The following C4orf17 variants were observed in gnomAD, a reference collection of about 807,000 sequenced individuals.
C4orf17 encodes uncharacterized protein C4orf17.
A neutral mutation model predicts 32.0 loss-of-function variants in C4orf17; 25 were observed. That is an observed-to-expected ratio of 0.78 (90% confidence interval 0.57 to 1.09). The LOEUF (loss-of-function observed/expected upper bound fraction) is 1.09. Ranked by LOEUF, C4orf17 falls within the 50% of genes least tolerant of loss-of-function variation. The probability of loss-of-function intolerance (pLI) is 0.00; values close to 1 mark genes in which losing one functional copy is unlikely to be tolerated. For synonymous variants in C4orf17, 149 were observed against 145.8 expected (o/e 1.02, Z -0.16); for missense variants, 420 against 420.0 (o/e 1.00, Z 0.00).
chr4:99,532,611 G>A (rs4423880), intron 5 of C4orf17, among the ~76,000 whole-genome samples: 40,017 of 152,078 alleles, frequency 0.26, 5,436 homozygotes, highest in South Asian at 0.35. Flanking sequence ...CACTATTTGC[G>A]TGATGGAGTC....
intron 1 of C4orf17, 29 bp from the exon 2 acceptor site, chr4:99,512,960 T>C: frequency 1.1e-6 from 1 of 947,182 alleles, no homozygotes; most frequent in Non-Finnish European, 1.6e-6. Flanking sequence ...GAAACTCTTG[T>C]CAGAATGTTT....
intron 2 of C4orf17, among the ~76,000 whole-genome samples, chr4:99,517,171 T>C (rs755829999): frequency 6.6e-6 from 1 of 152,190 alleles, no homozygotes; most frequent in Non-Finnish European, 1.5e-5. Context: ...CTGACTTCTT[T>C]CCCAGCAGAT....
chr4:99,530,191 A>C (rs561317659), intron 5 of C4orf17, among the ~76,000 whole-genome samples: 94 of 152,220 alleles, frequency 6.2e-4, no homozygotes, highest in African/African-American at 2.2e-3. Flanking sequence ...ACGTAATGAA[A>C]AGCTTGGTGT....
intron 5 of C4orf17, among the ~76,000 whole-genome samples, chr4:99,532,953 T>A (rs993209128): frequency 6.6e-6 from 1 of 152,200 alleles, no homozygotes; most frequent in African/African-American, 2.4e-5. Flanking sequence ...CCCAGTCAAG[T>A]GACCTTCGTA....
At chr4:99,520,397 C>T (rs1723266813) in intron 2 of C4orf17, among the ~76,000 whole-genome samples, 1 of 152,122 alleles carries the variant, frequency 6.6e-6, no homozygotes, top group Admixed American at 6.6e-5. Flanking sequence ...AACCAGCCAA[C>T]CCACATTTAA....
At chr4:99,539,065 C>A in intron 6 of C4orf17, 98 bp from the exon 7 acceptor site, 4 of 1,076,526 alleles carry the variant, frequency 3.7e-6, no homozygotes, top group Non-Finnish European at 5.5e-6. Flanking sequence ...AATAGATGAC[C>A]AGTCTTTCAT....
chr4:99,536,776 A>G (rs182531248), intron 5 of C4orf17, among the ~76,000 whole-genome samples: 1 of 152,330 alleles, frequency 6.6e-6, no homozygotes, highest in African/African-American at 2.4e-5. Context: ...AAATTCACCA[A>G]AAGTATGTTC....
At chr4:99,518,562 G>T (rs1156328326) in intron 2 of C4orf17, among the ~76,000 whole-genome samples, 2 of 125,506 alleles carry the variant, frequency 1.6e-5, no homozygotes, top group African/African-American at 6.7e-5. Context: ...GAGAGAGAGA[G>T]AGAGAGAGAG....
intron 8 of C4orf17, chr4:99,541,501 T>C (rs1245376893): frequency 6.3e-6 from 1 of 158,070 alleles, no homozygotes; most frequent in African/African-American, 2.4e-5. Context: ...ATATTTAGCA[T>C]CTCCTTACAT....
chr4:99,516,132 C>T (rs1419605592), intron 2 of C4orf17, among the ~76,000 whole-genome samples: 1 of 152,216 alleles, frequency 6.6e-6, no homozygotes, highest in Non-Finnish European at 1.5e-5. Flanking sequence ...GAAGTCATTT[C>T]ATTCAGCAGA....
At chr4:99,531,971 T>A (rs1217306836) in intron 5 of C4orf17, among the ~76,000 whole-genome samples, 1 of 152,182 alleles carries the variant, frequency 6.6e-6, no homozygotes, top group Admixed American at 6.5e-5. Flanking sequence ...AGTTTCATGA[T>A]TATTACTTTA....
At chr4:99,534,242 T>C (rs1054496642) in intron 5 of C4orf17, among the ~76,000 whole-genome samples, 1 of 152,202 alleles carries the variant, frequency 6.6e-6, no homozygotes, top group African/African-American at 2.4e-5. Flanking sequence ...TGGTGTTTGG[T>C]TTTCTGTTCC....
intron 2 of C4orf17, among the ~76,000 whole-genome samples, chr4:99,520,296 C>A (rs1323916222): frequency 6.6e-6 from 1 of 151,966 alleles, no homozygotes; most frequent in South Asian, 2.1e-4. Context: ...GGTGTTTCAC[C>A]GTGTTAACTA....
rs375657510 is a variant in C4orf17 at position 99,520,110 on chromosome 4, G to A, written c.128-2390G>A. 4.9e-3 allele frequency among the ~76,000 whole-genome samples: 637 copies of A among 130,954 alleles called. 6 individuals carry two copies. Among genetic ancestry groups the A allele is most frequent in the African/African-American group, 0.016 (603 of 37,416 alleles). 85.9% of individuals were successfully genotyped at this position (130,954 alleles called of 152,430 possible). A position where few individuals can be genotyped will look rare whatever the true frequency, so the allele number is the denominator to read the frequency against. On this transcript the variant is annotated intron_variant, in intron 2 of 8. Coordinates refer to ENST00000326581, the MANE Select transcript of C4orf17 (RefSeq NM_032149.3). Reference sequence around the variant, plus strand: ...TTTAATTTTTTTTTTTTTTTTTTGAGACGGAGTCTCGCTCTTTCACCCAGG... The same window carrying A: ...TTTAATTTTTTTTTTTTTTTTTTGAAACGGAGTCTCGCTCTTTCACCCAGG...
In C4orf17 at chr4:99,525,618, C is replaced by A. The variant is rs556244161; in HGVS notation, c.402+1033C>A. Among the ~76,000 whole-genome samples, 22 of 152,074 alleles carry A rather than the reference C, an allele frequency of 1.4e-4. 1 individual carries two copies. In the East Asian group the frequency reaches 3.7e-3, roughly 25 times the overall value. On this transcript the variant is annotated intron_variant, in intron 4 of 8. Coordinates refer to ENST00000326581, the MANE Select transcript of C4orf17 (RefSeq NM_032149.3). Reference sequence around the variant, plus strand: ...GACCATCCTGGCCAACATGGTGAAACCCCGTCTCTACTAAAATACAAAAAA... The same window carrying A: ...GACCATCCTGGCCAACATGGTGAAAACCCGTCTCTACTAAAATACAAAAAA...
At chr4:99,526,651 C>CTT (rs145120945) in intron 4 of C4orf17, among the ~76,000 whole-genome samples, 4,911 of 137,574 alleles carry the variant, frequency 0.036, 260 homozygotes, top group African/African-American at 0.12. Flanking sequence ...CTTTTCTTTT[C>CTT]TTTTTTTTTT....
intron 2 of C4orf17, among the ~76,000 whole-genome samples, chr4:99,521,209 C>G (rs960090526): frequency 6.6e-6 from 1 of 151,756 alleles, no homozygotes; most frequent in Non-Finnish European, 1.5e-5. Flanking sequence ...TCGTCTCTAC[C>G]AAAGATACAA....
chr4:99,514,374 C>T (rs1377319001), intron 2 of C4orf17, among the ~76,000 whole-genome samples: 6 of 151,980 alleles, frequency 3.9e-5, no homozygotes, highest in Non-Finnish European at 5.9e-5. Flanking sequence ...GGACTAATAT[C>T]CAGAATCTAT....
At chr4:99,537,883 G>C (rs1723587446) in intron 6 of C4orf17, 133 bp downstream of exon 6, 2 of 696,002 alleles carry the variant, frequency 2.9e-6, no homozygotes, top group African/African-American at 3.5e-5. Flanking sequence ...CAATGTTTCA[G>C]TATCAGGGTG....
Sources: gnomAD v4.1 joint callset for allele counts (sites outside exome capture counted in the v4.1 genomes callset) on GRCh38, gnomAD v4.1.1 for gene constraint, MANE v1.5 for transcripts, NCBI Gene and HGNC (gene_info 2026-07-23, HGNC 2026-07-21) for gene names.